MKRN2: variants seen among roughly 807,000 people sequenced by gnomAD.
MKRN2 encodes the protein E3 ubiquitin-protein ligase makorin-2.
A neutral mutation model predicts 45.4 loss-of-function variants in MKRN2; 32 were observed. The ratio of observed to expected loss-of-function variants is 0.70; its 90% CI spans 0.53 to 0.95. The LOEUF (loss-of-function observed/expected upper bound fraction) is 0.95, where lower values mean the gene tolerates loss of function less well. MKRN2 is among the 40% of genes least tolerant of loss of function. MKRN2 has a pLI of 0.00. For synonymous variants in MKRN2, 206 were observed against 192.4 expected, an observed-to-expected ratio of 1.07 and a Z score of -0.59; for missense variants, 526 against 536.7, an observed-to-expected ratio of 0.98 and a Z score of 0.20.
At chr3:12,558,990 G>A (rs528467203) in intron 1 of MKRN2, among the ~76,000 whole-genome samples, 1 of 152,308 alleles carries the variant, frequency 6.6e-6, no homozygotes, top group Admixed American at 6.5e-5. Context: ...TGAAATCAAA[G>A]TTCATGCCCT....
At chr3:12,562,744 C>G (rs940845573) in intron 1 of MKRN2, among the ~76,000 whole-genome samples, 2 of 151,980 alleles carry the variant, frequency 1.3e-5, no homozygotes, top group Non-Finnish European at 2.9e-5. Context: ...AGCACTAACC[C>G]TATTGTCAGC....
At chr3:12,575,627 T>A (rs184833205) in intron 5 of MKRN2, among the ~76,000 whole-genome samples, 33 of 152,226 alleles carry the variant, frequency 2.2e-4, no homozygotes, top group South Asian at 1.2e-3. Flanking sequence ...AGGCCTGGGG[T>A]GCGGGGGTCA....
rs769606768 is a variant in MKRN2 at position 12,572,392 on chromosome 3, G to A, written c.642+19G>A. ...TGAAAAGGTAAAGTCACAAACCTTT[G>A]CATGAACTCATGTTAAGAAATCTGA... On this transcript the variant is annotated intron_variant, in intron 4 of 7. Transcript: ENST00000170447. The A allele has an allele frequency of 3.9e-6, 6 of 1,533,432 alleles. No homozygotes were observed. In the Admixed American group the frequency reaches 8.1e-5, roughly 21 times the overall value. 95.0% of individuals were successfully genotyped at this position (1,533,432 alleles called of 1,614,324 possible).
intron 1 of MKRN2, among the ~76,000 whole-genome samples, chr3:12,558,965 CA>C (rs1284075061): frequency 6.6e-6 from 1 of 152,142 alleles, no homozygotes; most frequent in East Asian, 1.9e-4. Flanking sequence ...ATTTAGCTTC[CA>C]AGTGACAGAG....
rs2058121840 is a variant in MKRN2 at position 12,574,916 on chromosome 3, T to A, written c.767T>A (p.Phe256Tyr). 2 of 1,614,128 alleles carry A rather than the reference T, an allele frequency of 1.2e-6. No individual in the cohort carries two copies. Among genetic ancestry groups the A allele is most frequent in the Non-Finnish European group, 1.7e-6 (2 of 1,180,048 alleles). Residue 256 changes from phenylalanine (F) to tyrosine (Y), a missense_variant, in exon 5 of 8, where the codon TTT becomes TAT. Coordinates refer to ENST00000170447, the MANE Select transcript of MKRN2 (RefSeq NM_014160.5). ...AAGGCCTCTGCTTCTGAGAGGAGATTTGGGATTCTCTCCAATTGCAATCAC... is the reference window on the plus strand; with the variant it reads ...AAGGCCTCTGCTTCTGAGAGGAGATATGGGATTCTCTCCAATTGCAATCAC... ...LEKASASERR[F>Y]GILSNCNHTY...
intron 1 of MKRN2, among the ~76,000 whole-genome samples, chr3:12,563,861 C>G (rs947258254): frequency 4.1e-4 from 11 of 26,638 alleles, no homozygotes; most frequent in Non-Finnish European, 8.1e-4. Flanking sequence ...CATTAGCGCA[C>G]GCTTGAGTTG....
intron 1 of MKRN2, among the ~76,000 whole-genome samples, chr3:12,567,127 G>C (rs2058072868): frequency 6.6e-6 from 1 of 151,082 alleles, no homozygotes; most frequent in Admixed American, 6.6e-5. Context: ...CAAGCATTGT[G>C]AGTTTCTGAG....
At position 12,570,231 on chromosome 3, in the gene MKRN2, A is replaced by C. The variant is rs764705324; in HGVS notation, c.316A>C (p.Thr106Pro). 2 of 1,614,072 alleles carry C rather than the reference A, an allele frequency of 1.2e-6. No individual in the cohort carries two copies. Among genetic ancestry groups the C allele is most frequent in the South Asian group, 2.2e-5 (2 of 91,054 alleles). ...TGAACCCGGAAAGCGTGAAAAGAGA[A>C]CATTGGTTCTTAGAGACCGAAGTGA... ...SHEPGKREKR[T>P]LVLRDRNLSG... Residue 106 changes from threonine to proline, a missense_variant, in exon 3 of 8, where the codon ACA becomes CCA. By Grantham distance (38) the Thr-to-Pro change is conservative. Transcript: ENST00000170447.
chr3:12,582,074 C>T (rs767124093), intron 7 of MKRN2, 42 bp from the exon 8 acceptor site: 10 of 1,613,670 alleles, frequency 6.2e-6, no homozygotes, highest in Non-Finnish European at 7.6e-6. Context: ...CTTCCTGTTG[C>T]TCTTAGCAGT....
intron 6 of MKRN2, among the ~76,000 whole-genome samples, chr3:12,578,690 C>A (rs146133476): frequency 3.3e-5 from 5 of 152,006 alleles, no homozygotes. Context: ...AATCTAACTG[C>A]GTTTGTTCAT....
chr3:12,576,642 A>C lies in MKRN2; in HGVS notation c.869A>C (p.Glu290Ala). The change falls in exon 6 of 8, where the codon GAA becomes GCA. Residue 290 changes from glutamate (E) to alanine (A), a missense_variant. By Grantham distance (107) the Glu-to-Ala change is moderately radical. Coordinates refer to ENST00000170447, the MANE Select transcript of MKRN2 (RefSeq NM_014160.5). ...AATTCTTATTTCAGGTCTTGTCCAGAATGCCGTGTGATATCAGAGTTTGTA... is the reference window on the plus strand; with the variant it reads ...AATTCTTATTTCAGGTCTTGTCCAGCATGCCGTGTGATATCAGAGTTTGTA... ...FENPIIKSCPECRVISEFVIP... is the reference protein window; with the variant it reads ...FENPIIKSCPACRVISEFVIP... 6.2e-7 allele frequency: 1 copy of C among 1,600,256 alleles called. No individual in the cohort carries two copies. Among genetic ancestry groups the C allele is most frequent in the Non-Finnish European group, 8.6e-7 (1 of 1,168,024 alleles).
intron 1 of MKRN2, among the ~76,000 whole-genome samples, chr3:12,566,155 A>G (rs965831438): frequency 6.6e-5 from 10 of 152,278 alleles, no homozygotes; most frequent in African/African-American, 2.4e-4. Context: ...AGCCCAGACT[A>G]TTTATGGATC....
Position 12,581,938 on chromosome 3 carries a change from C to A in MKRN2, c.1099C>A (p.Gln367Lys). The change falls in exon 7 of 8, where the codon CAA (glutamine) becomes AAA (lysine). Residue 367 changes from glutamine (Q) to lysine (K), a missense_variant. Coordinates refer to ENST00000170447, the MANE Select transcript of MKRN2 (RefSeq NM_014160.5). ...GAAACCTCGGAAACAGCTCAGTTCT[C>A]AAGGCACTGTGAGGGTAAGGACTTT... ...PEKPRKQLSS[Q>K]GTVRFFNSVR... The A allele has an allele frequency of 6.2e-7, 1 of 1,614,132 alleles. No individual in the cohort carries two copies. The highest frequency in any genetic ancestry group is 8.5e-7 in the Non-Finnish European group (1 of 1,180,042).
intron 6 of MKRN2, among the ~76,000 whole-genome samples, chr3:12,580,331 C>T (rs2058168911): frequency 6.6e-6 from 1 of 152,166 alleles, no homozygotes; most frequent in Non-Finnish European, 1.5e-5. Flanking sequence ...GAAGTCCGCT[C>T]AGAACTCCAG....
Position 12,576,647 on chromosome 3 carries a change from C to T in MKRN2, c.874C>T (p.Arg292Cys). ...TTATTTCAGGTCTTGTCCAGAATGC[C>T]GTGTGATATCAGAGTTTGTAATTCC... ...NPIIKSCPEC[R>C]VISEFVIPSV... Residue 292 changes from arginine (R) to cysteine (C), a missense_variant, in exon 6 of 8, where the codon CGT becomes TGT. Coordinates refer to ENST00000170447, the MANE Select transcript of MKRN2 (RefSeq NM_014160.5). 6.2e-7 allele frequency: 1 copy of T among 1,602,070 alleles called. No homozygotes were observed. The highest frequency in any genetic ancestry group is 2.2e-5 in the East Asian group (1 of 44,696).
intron 2 of MKRN2, 57 bp downstream of exon 2, chr3:12,569,060 C>T: frequency 6.4e-7 from 1 of 1,553,082 alleles, no homozygotes; most frequent in Non-Finnish European, 8.7e-7. Context: ...GAGAATGGGT[C>T]TTGATAAGGG....
At position 12,582,241 on chromosome 3, in the gene MKRN2, A is replaced by G. The variant is rs749820032; in HGVS notation, c.1239A>G (p.Ser413=). The G allele has an allele frequency of 2.4e-5, 39 of 1,614,000 alleles. No homozygotes were observed. Among genetic ancestry groups the G allele is most frequent in the African/African-American group, 4.0e-5 (3 of 74,914 alleles). ...TCATGCACCTTTCTGGAGTGGAATC[A>G]TCAGAACCCTAAAGAGTAGATGGTT... ...DLFMHLSGVE[S]SEP Residue 413 remains serine (S), a synonymous_variant, in exon 8 of 8, where the codon TCA becomes TCG. Coordinates refer to ENST00000170447, the MANE Select transcript of MKRN2 (RefSeq NM_014160.5).
At position 12,582,277 on chromosome 3, in the gene MKRN2, T is replaced by G; in HGVS notation, c.*24T>G. On this transcript the variant is annotated 3_prime_UTR_variant, in exon 8 of 8. Coordinates refer to ENST00000170447, the MANE Select transcript of MKRN2 (RefSeq NM_014160.5). The stretch of plus-strand genomic sequence containing the variant: ...AAAGAGTAGATGGTTGCCCTGCATC[T>G]TGGGCTCCATCGGCCGAAACTTTCC... 2 of 1,610,450 alleles carry G rather than the reference T, an allele frequency of 1.2e-6. No homozygotes were observed. Among genetic ancestry groups the G allele is most frequent in the Non-Finnish European group, 1.7e-6 (2 of 1,176,966 alleles).
Position 12,583,652 on chromosome 3 carries a change from C to CAGAT in MKRN2, c.*1401_*1404dup, listed in dbSNP as rs1451446439. 8.6e-6 allele frequency: 2 copies of CAGAT among 233,026 alleles called. No individual in the cohort carries two copies. Among genetic ancestry groups the CAGAT allele is most frequent in the East Asian group, 1.2e-4 (2 of 16,578 alleles). 14.4% of individuals were successfully genotyped at this position (233,026 alleles called of 1,614,324 possible). On this transcript the variant is annotated 3_prime_UTR_variant, in exon 8 of 8. Transcript: ENST00000170447. ...TAAAATAACATAATTGAGGGACCAT[C>CAGAT]AGATAACTGTATTTTGTCAGGTGCA...
Sources: gnomAD v4.1 joint callset for allele counts (sites outside exome capture counted in the v4.1 genomes callset) on GRCh38, gnomAD v4.1.1 for gene constraint, MANE v1.5 for transcripts, NCBI Gene and HGNC (gene_info 2026-07-23, HGNC 2026-07-21) for gene names.